ADGRD1: variants seen among roughly 807,000 people sequenced by gnomAD.
ADGRD1 encodes the protein adhesion G protein-coupled receptor D1.
A neutral mutation model predicts 113.4 loss-of-function variants in ADGRD1; 77 were observed. The ratio of observed to expected loss-of-function variants is 0.68; its 90% CI spans 0.57 to 0.82. ADGRD1 has a LOEUF of 0.82. Among genes scored for constraint, ADGRD1 ranks in the 40% least tolerant of loss-of-function variants. ADGRD1 has a pLI of 0.00. For missense variants in ADGRD1, 1,036 were observed against 1,139.1 expected, an observed-to-expected ratio of 0.91 and a Z score of 1.30; for synonymous variants, 474 against 475.0, an observed-to-expected ratio of 1.00 and a Z score of 0.03.
At chr12:130,996,564 C>G (rs1875406093) in intron 8 of ADGRD1, among the ~76,000 whole-genome samples, 1 of 121,778 alleles carries the variant, frequency 8.2e-6, no homozygotes, top group South Asian at 3.0e-4. Context: ...GACGGGGCGG[C>G]TGGCCGGGCA....
intron 13 of ADGRD1, chr12:131,024,620 G>C (rs140006602): frequency 6.6e-6 from 1 of 152,356 alleles, no homozygotes; most frequent in Non-Finnish European, 1.5e-5. Flanking sequence ...ACAGTTTGTA[G>C]CCTAGGAGCA....
chr12:130,982,112 C>T, intron 5 of ADGRD1, 49 bp downstream of exon 5: 2 of 1,510,332 alleles, frequency 1.3e-6, no homozygotes, highest in African/African-American at 1.4e-5. Context: ...GGAGTGGAGT[C>T]TTCTCTGAGA....
rs1874514841 is a variant in ADGRD1, at chr12:130,992,287, A to G, written c.861A>G (p.Arg287=). ...TCATAACCAACCTGACAGAAGAGAGAAAAACCTTCCAAAGTCCCGGAGTGA... is the reference window on the plus strand; with the variant it reads ...TCATAACCAACCTGACAGAAGAGAGGAAAACCTTCCAAAGTCCCGGAGTGA... ...HPIITNLTEE[R]KTFQSPGVIL... Residue 287 remains arginine, a synonymous_variant, in exon 8 of 25, where the codon AGA becomes AGG. Transcript: ENST00000261654. 5 of 1,613,700 alleles carry G rather than the reference A, an allele frequency of 3.1e-6. No individual in the cohort carries two copies. The highest frequency in any genetic ancestry group is 4.2e-6 in the Non-Finnish European group (5 of 1,179,716).
At chr12:130,982,446 CCTT>C (rs1873124245) in intron 5 of ADGRD1, among the ~76,000 whole-genome samples, 3 of 152,240 alleles carry the variant, frequency 2.0e-5, no homozygotes, top group Non-Finnish European at 4.4e-5. Context: ...TTACATTTCT[CCTT>C]CTTTTCCTTC....
At chr12:131,126,645 C>G (rs1033307614) in intron 20 of ADGRD1, among the ~76,000 whole-genome samples, 1 of 152,166 alleles carries the variant, frequency 6.6e-6, no homozygotes, top group Non-Finnish European at 1.5e-5. Flanking sequence ...CTCCTCCCAC[C>G]AGAGATCACC....
intron 12 of ADGRD1, 88 bp downstream of exon 12, chr12:131,006,135 C>G: frequency 9.0e-7 from 1 of 1,109,334 alleles, no homozygotes; most frequent in Non-Finnish European, 1.4e-6. Context: ...CCCACACGCA[C>G]AACACTGAGA....
At chr12:131,016,796 G>C (rs1299891550) in intron 13 of ADGRD1, among the ~76,000 whole-genome samples, 1 of 152,190 alleles carries the variant, frequency 6.6e-6, no homozygotes, top group African/African-American at 2.4e-5. Flanking sequence ...GGGAGACTGA[G>C]GCAGGAGAAT....
intron 12 of ADGRD1, among the ~76,000 whole-genome samples, chr12:131,009,965 G>A (rs528506312): frequency 2.0e-5 from 3 of 152,336 alleles, no homozygotes; most frequent in South Asian, 4.1e-4. Context: ...GCAAAGCTGC[G>A]GGGGCTCCTG....
intron 13 of ADGRD1, among the ~76,000 whole-genome samples, chr12:131,020,626 G>A (rs1212583544): frequency 6.6e-6 from 1 of 152,258 alleles, no homozygotes; most frequent in Non-Finnish European, 1.5e-5. Flanking sequence ...TGCCCGAGCT[G>A]TGGATGCCCT....
Position 131,075,401 on chromosome 12 carries a change from G to A in ADGRD1, c.1474-1400G>A, listed in dbSNP as rs1885518519. Among the ~76,000 whole-genome samples the A allele has an allele frequency of 6.6e-6, 1 of 152,128 alleles. No homozygotes were observed. The highest frequency in any genetic ancestry group is 1.5e-5 in the Non-Finnish European group (1 of 68,020). Reference sequence around the variant, plus strand: ...CAGGACACAGGGCCCTCTGTTGTCTGTGCAAGAGTTCACAGCAGGCTGTGG... The same window carrying A: ...CAGGACACAGGGCCCTCTGTTGTCTATGCAAGAGTTCACAGCAGGCTGTGG... On this transcript the variant is annotated intron_variant, in intron 13 of 24. Transcript: ENST00000261654. This position sits in a 1 kb window ranked among gnomAD's most constrained non-coding sequence, Gnocchi z 5.3.
chr12:131,043,377 C>A (rs1340404355), intron 13 of ADGRD1, among the ~76,000 whole-genome samples: 1 of 152,192 alleles, frequency 6.6e-6, no homozygotes, highest in African/African-American at 2.4e-5. Context: ...CATCTTTGGG[C>A]CCCTGGACTG....
In ADGRD1 at chr12:131,014,182, T is replaced by C. The variant is rs1593040979; in HGVS notation, c.1332-17T>C. 6.2e-7 allele frequency: 1 copy of C among 1,611,978 alleles called. No homozygotes were observed. The highest frequency in any genetic ancestry group is 8.5e-7 in the Non-Finnish European group (1 of 1,178,862). On this transcript the variant is annotated splice_polypyrimidine_tract_variant and intron_variant, in intron 12 of 24. Coordinates refer to ENST00000261654, the MANE Select transcript of ADGRD1 (RefSeq NM_198827.5). ...CCTGCGTTTCCCATTTTGTAATGAT[T>C]TCCGTCTCTTCCCAAGGATCGCGGA...
intron 8 of ADGRD1, chr12:130,994,351 C>A: frequency 2.7e-6 from 1 of 369,430 alleles, no homozygotes; most frequent in Non-Finnish European, 5.7e-6. Context: ...GCCTTCTATG[C>A]AGTTAGCACT....
rs1242553747 is a variant in ADGRD1 at position 131,096,743 on chromosome 12, G to T, written c.1672-8088G>T. On this transcript the variant is annotated intron_variant, in intron 15 of 24. Coordinates refer to ENST00000261654, the MANE Select transcript of ADGRD1 (RefSeq NM_198827.5). This position sits in a 1 kb window ranked among gnomAD's most constrained non-coding sequence, Gnocchi z 5.2. ...TTCCCGTGGGGCACTGCCAGTCCAGGTTTACATCGCCACAACTGTTTAAAG... is the reference window on the plus strand; with the variant it reads ...TTCCCGTGGGGCACTGCCAGTCCAGTTTTACATCGCCACAACTGTTTAAAG... 2.0e-5 allele frequency among the ~76,000 whole-genome samples: 3 copies of T among 152,140 alleles called. No individual in the cohort carries two copies. Among genetic ancestry groups the T allele is most frequent in the Non-Finnish European group, 4.4e-5 (3 of 68,018 alleles).
At chr12:131,114,280 A>G (rs932378383) in intron 18 of ADGRD1, among the ~76,000 whole-genome samples, 2 of 152,178 alleles carry the variant, frequency 1.3e-5, no homozygotes, top group Admixed American at 6.5e-5. Flanking sequence ...CAAGATTACA[A>G]AGTTCTTTTG....
intron 8 of ADGRD1, chr12:130,994,272 G>A (rs1296035311): frequency 4.4e-6 from 2 of 452,582 alleles, no homozygotes; most frequent in South Asian, 3.1e-5. Flanking sequence ...TATGCAGTAA[G>A]TGCTTTATTA....
intron 5 of ADGRD1, among the ~76,000 whole-genome samples, chr12:130,983,042 C>G (rs1294077396): frequency 6.6e-6 from 1 of 152,154 alleles, no homozygotes; most frequent in Non-Finnish European, 1.5e-5. Context: ...TATTAAAAAG[C>G]GTGAACTCTG....
intron 18 of ADGRD1, among the ~76,000 whole-genome samples, chr12:131,114,739 G>T (rs995928092): frequency 1.3e-5 from 2 of 151,830 alleles, no homozygotes; most frequent in Admixed American, 1.3e-4. Flanking sequence ...TGGGGTGGGG[G>T]GGCATCAAAT....
intron 14 of ADGRD1, among the ~76,000 whole-genome samples, chr12:131,078,216 C>A (rs1000481743): frequency 6.6e-6 from 1 of 152,250 alleles, no homozygotes; most frequent in African/African-American, 2.4e-5. Context: ...GGGGGTGCAG[C>A]AGCAGGTCGG....
Sources: allele counts gnomAD v4.1 joint callset (sites outside exome capture counted in the v4.1 genomes callset), GRCh38; gene constraint gnomAD v4.1.1; non-coding constraint Gnocchi (gnomAD v3.1); transcripts MANE v1.5; gene names NCBI Gene and HGNC (gene_info 2026-07-23, HGNC 2026-07-21).